Variants in SDK1 observed in about 807,000 individuals in gnomAD.
SDK1 encodes the protein protein sidekick-1.
Under a neutral mutation model 245.5 loss-of-function variants are expected in SDK1, and 157 were observed. That is an observed-to-expected ratio of 0.64 (90% CI 0.56 to 0.73). The LOEUF (loss-of-function observed/expected upper bound fraction) is 0.73. Among genes scored for constraint, SDK1 ranks in the 30% least tolerant of loss-of-function variants. The pLI is 0.00. For synonymous variants in SDK1, 1,647 were observed against 1,278.5 expected, an observed-to-expected ratio of 1.29 and a Z score of -6.15; for missense variants, 3,583 against 3,002.3, an observed-to-expected ratio of 1.19 and a Z score of -4.52.
At chr7:3,527,856 G>A (rs1783198439) in intron 1 of SDK1, among the ~76,000 whole-genome samples, 1 of 151,444 alleles carries the variant, frequency 6.6e-6, no homozygotes, top group South Asian at 2.1e-4. Context: ...GTGGTGGGAG[G>A]TGAGGCTGGA....
chr7:3,311,018 T>A (rs528843111), intron 1 of SDK1, among the ~76,000 whole-genome samples: 1 of 152,150 alleles, frequency 6.6e-6, no homozygotes, highest in South Asian at 2.1e-4. Flanking sequence ...TTTATTCTTT[T>A]GTGTAGAGGA....
intron 2 of SDK1, among the ~76,000 whole-genome samples, chr7:3,632,317 T>A (rs1448295091): frequency 6.6e-6 from 1 of 152,210 alleles, no homozygotes; most frequent in Non-Finnish European, 1.5e-5. Context: ...TTGTTTATTT[T>A]AGAGAAAATC....
intron 4 of SDK1, among the ~76,000 whole-genome samples, chr7:3,750,301 G>T (rs148898072): frequency 4.7e-4 from 71 of 152,174 alleles, no homozygotes; most frequent in African/African-American, 1.6e-3. Context: ...GAGAAGAGTG[G>T]CAAGGAAACT....
At chr7:3,656,941 G>C (rs1783205038) in intron 4 of SDK1, among the ~76,000 whole-genome samples, 1 of 151,828 alleles carries the variant, frequency 6.6e-6, no homozygotes, top group African/African-American at 2.4e-5. Context: ...TAGAGACGGG[G>C]TTTCACCTTG....
chr7:3,683,929 C>T (rs1046166601), intron 4 of SDK1, among the ~76,000 whole-genome samples: 1 of 152,204 alleles, frequency 6.6e-6, no homozygotes, highest in African/African-American at 2.4e-5. Flanking sequence ...CCACTCCTGT[C>T]CCAATGCAGC....
At chr7:3,581,970 C>G (rs571340703) in intron 1 of SDK1, among the ~76,000 whole-genome samples, 1 of 152,222 alleles carries the variant, frequency 6.6e-6, no homozygotes, top group African/African-American at 2.4e-5. Flanking sequence ...TAGAGGGGAA[C>G]AGACACCGGG....
At chr7:3,437,280 C>T (rs1380642227) in intron 1 of SDK1, among the ~76,000 whole-genome samples, 1 of 151,846 alleles carries the variant, frequency 6.6e-6, no homozygotes, top group African/African-American at 2.4e-5. Flanking sequence ...ATTGTTATTT[C>T]CCAGATTTGA....
chr7:3,937,155 C>T (rs1397675116), intron 5 of SDK1, among the ~76,000 whole-genome samples: 1 of 152,096 alleles, frequency 6.6e-6, no homozygotes, highest in African/African-American at 2.4e-5. Context: ...AGCTCTCTTA[C>T]ATTTGGCCAT....
chr7:3,662,241 G>C (rs547707909), intron 4 of SDK1, among the ~76,000 whole-genome samples: 15 of 152,206 alleles, frequency 9.9e-5, no homozygotes, highest in African/African-American at 3.6e-4. Context: ...TGGGTCCTAC[G>C]GGAAAAGTTG....
At chr7:3,508,487 C>T (rs1583972806) in intron 1 of SDK1, among the ~76,000 whole-genome samples, 1 of 151,940 alleles carries the variant, frequency 6.6e-6, no homozygotes, top group Non-Finnish European at 1.5e-5. Flanking sequence ...GCCACCATGC[C>T]TGACTAATTG....
intron 5 of SDK1, among the ~76,000 whole-genome samples, chr7:3,906,588 C>A (rs558397959): frequency 6.7e-6 from 1 of 149,430 alleles, no homozygotes; most frequent in African/African-American, 2.5e-5. Flanking sequence ...ATTAAGGAGC[C>A]CTCCAAGACA....
chr7:3,811,675 C>T (rs186081561), intron 4 of SDK1, among the ~76,000 whole-genome samples: 96 of 152,256 alleles, frequency 6.3e-4, no homozygotes, highest in Non-Finnish European at 7.1e-4. Context: ...AGGCCAGCCC[C>T]GCAGTTCAGG....
intron 34 of SDK1, among the ~76,000 whole-genome samples, chr7:4,178,072 G>A (rs924916754): frequency 1.3e-5 from 2 of 152,248 alleles, no homozygotes; most frequent in Admixed American, 1.3e-4. Flanking sequence ...AACTCAGGCA[G>A]TAATGCGAGG....
At chr7:3,751,369 C>T (rs553346699) in intron 4 of SDK1, among the ~76,000 whole-genome samples, 13 of 150,902 alleles carry the variant, frequency 8.6e-5, no homozygotes, top group South Asian at 4.2e-4. Flanking sequence ...CTTGCTGCTG[C>T]GTCGCCCTCT....
chr7:3,858,862 T>TTTTA (rs1180683741), intron 5 of SDK1, among the ~76,000 whole-genome samples: 17 of 123,020 alleles, frequency 1.4e-4, no homozygotes, highest in African/African-American at 8.0e-4. Context: ...TATTTTTCTT[T>TTTTA]TTTCTTTTTT....
intron 4 of SDK1, among the ~76,000 whole-genome samples, chr7:3,770,268 A>G (rs1316932681): frequency 1.3e-5 from 2 of 152,146 alleles, no homozygotes; most frequent in Non-Finnish European, 2.9e-5. Context: ...CTTAAAGTCC[A>G]TACAAATGGC....
chr7:3,392,241 T>C (rs940761930), intron 1 of SDK1, among the ~76,000 whole-genome samples: 9 of 152,152 alleles, frequency 5.9e-5, no homozygotes, highest in African/African-American at 1.9e-4. Flanking sequence ...CAAATTCCAC[T>C]TGTGACCAAT....
chr7:3,307,633 C>A (rs1455995006), intron 1 of SDK1, among the ~76,000 whole-genome samples: 1 of 152,172 alleles, frequency 6.6e-6, no homozygotes, highest in Non-Finnish European at 1.5e-5. Flanking sequence ...ATTCCATCAG[C>A]CTGATACCAA....
chr7:3,455,922 C>CT (rs1384829795), intron 1 of SDK1, among the ~76,000 whole-genome samples: 1 of 152,168 alleles, frequency 6.6e-6, no homozygotes. Flanking sequence ...ACATTCTATG[C>CT]TTAGTCACAA....
Sources: gnomAD v4.1 joint callset for allele counts (sites outside exome capture counted in the v4.1 genomes callset) on GRCh38, gnomAD v4.1.1 for gene constraint, MANE v1.5 for transcripts, NCBI Gene and HGNC (gene_info 2026-07-23, HGNC 2026-07-21) for gene names.